IQCM: variants seen among roughly 807,000 people sequenced by gnomAD.
IQCM encodes the protein IQ domain-containing protein M.
Under a neutral mutation model 57.6 loss-of-function variants are expected in IQCM, and 45 were observed. That is an observed-to-expected ratio of 0.78 (90% CI 0.62 to 1.00). IQCM has a LOEUF of 1.00. IQCM is among the 50% of genes least tolerant of loss of function. The probability of loss-of-function intolerance (pLI) is 0.00; values close to 1 mark genes in which losing one functional copy is unlikely to be tolerated. For missense variants in IQCM, 468 were observed against 511.6 expected, an observed-to-expected ratio of 0.91 and a Z score of 0.82; for synonymous variants, 148 against 158.9, an observed-to-expected ratio of 0.93 and a Z score of 0.51.
intron 12 of IQCM, among the ~76,000 whole-genome samples, chr4:149,439,466 G>T (rs1305636058): frequency 1.3e-5 from 2 of 151,950 alleles, no homozygotes; most frequent in African/African-American, 2.4e-5. Flanking sequence ...TTTTATAGCT[G>T]CCCAAAACAC....
chr4:149,441,161 T>C (rs560110755), intron 12 of IQCM, among the ~76,000 whole-genome samples: 2 of 152,226 alleles, frequency 1.3e-5, no homozygotes, highest in African/African-American at 4.8e-5. Flanking sequence ...AGCATGAAAA[T>C]TCCTACAACT....
chr4:149,510,866 G>C (rs913219627), intron 12 of IQCM, among the ~76,000 whole-genome samples: 2 of 152,126 alleles, frequency 1.3e-5, no homozygotes, highest in Admixed American at 1.3e-4. Context: ...ATCACTGATG[G>C]TAGTAACCTT....
At chr4:149,511,984 A>C (rs1252913478) in intron 12 of IQCM, among the ~76,000 whole-genome samples, 2 of 152,154 alleles carry the variant, frequency 1.3e-5, no homozygotes, top group African/African-American at 4.8e-5. Flanking sequence ...ATACATCCTA[A>C]GTCCTAGGTG....
chr4:149,504,361 C>T (rs1303396993), intron 12 of IQCM, among the ~76,000 whole-genome samples: 1 of 152,110 alleles, frequency 6.6e-6, no homozygotes. Context: ...CATTTATTCA[C>T]TTAATAAATA....
rs1476510506 is a variant in IQCM, at chr4:149,361,557, G to C, written c.1391-9491C>G. On this transcript the variant is annotated intron_variant, in intron 13 of 13. Coordinates refer to ENST00000636793, the MANE Select transcript of IQCM (RefSeq NM_001363507.2). Reference sequence around the variant, plus strand: ...AGCCATTCCAGCTGTGGCTGAAAGGGGCCAACGTACAGCTCAGGCTGTGGC... The same window carrying C: ...AGCCATTCCAGCTGTGGCTGAAAGGCGCCAACGTACAGCTCAGGCTGTGGC... Among the ~76,000 whole-genome samples the C allele has an allele frequency of 2.0e-5, 3 of 152,164 alleles. No individual in the cohort carries two copies. The East Asian group carries it at 5.8e-4, about 29-fold the overall frequency.
intron 7 of IQCM, among the ~76,000 whole-genome samples, chr4:149,661,326 G>C (rs1044247900): frequency 2.6e-5 from 4 of 152,180 alleles, no homozygotes; most frequent in Admixed American, 2.6e-4. Flanking sequence ...CCTACTGAAT[G>C]ATCTTTTTAA....
chr4:149,582,307 CATATATATAT>C (rs70965193), intron 9 of IQCM, among the ~76,000 whole-genome samples: 123 of 88,016 alleles, frequency 1.4e-3, no homozygotes, highest in Non-Finnish European at 1.6e-3. Flanking sequence ...ATGCTGTAGA[CATATATATAT>C]ATATATATAT....
At chr4:149,605,051 C>T (rs1002001524) in intron 8 of IQCM, among the ~76,000 whole-genome samples, 2 of 152,194 alleles carry the variant, frequency 1.3e-5, no homozygotes, top group African/African-American at 2.4e-5. Flanking sequence ...CACAACTGTA[C>T]AACTAAAACT....
intron 13 of IQCM, among the ~76,000 whole-genome samples, chr4:149,409,335 G>A (rs1733208137): frequency 1.3e-5 from 2 of 152,316 alleles, no homozygotes; most frequent in South Asian, 4.1e-4. Context: ...TCTAGCCCAG[G>A]AATTCATGGC....
At chr4:149,474,495 G>T (rs1739954620) in intron 12 of IQCM, among the ~76,000 whole-genome samples, 1 of 151,330 alleles carries the variant, frequency 6.6e-6, no homozygotes, top group South Asian at 2.1e-4. Flanking sequence ...ATCACTTGAG[G>T]TCAGGAGTTC....
intron 12 of IQCM, among the ~76,000 whole-genome samples, chr4:149,506,835 G>A (rs1284830594): frequency 6.6e-6 from 1 of 152,092 alleles, no homozygotes; most frequent in African/African-American, 2.4e-5. Flanking sequence ...CTCTGACACT[G>A]CAGTGTCAGA....
Position 149,621,260 on chromosome 4 carries a change from A to C in IQCM, c.566-16T>G, listed in dbSNP as rs192015132. The stretch of plus-strand genomic sequence containing the variant: ...AATGCTTTGTCTGTTAGAAATATCA[A>C]TGCAGGTTAAAACAATATCTATCCA... On this transcript the variant is annotated splice_polypyrimidine_tract_variant and intron_variant, in intron 7 of 13. Transcript: ENST00000636793. 232 of 1,150,472 alleles carry C rather than the reference A, an allele frequency of 2.0e-4. 1 individual carries two copies. In the African/African-American group the frequency reaches 3.4e-3, roughly 17 times the overall value. 71.3% of individuals were successfully genotyped at this position (1,150,472 alleles called of 1,614,324 possible).
At chr4:149,460,344 T>C (rs1321806226) in intron 12 of IQCM, among the ~76,000 whole-genome samples, 1 of 152,212 alleles carries the variant, frequency 6.6e-6, no homozygotes, top group Non-Finnish European at 1.5e-5. Context: ...TTTGCAAATA[T>C]GTTCTCCCAT....
chr4:149,684,987 T>A (rs1762448482), intron 6 of IQCM, among the ~76,000 whole-genome samples: 2 of 151,382 alleles, frequency 1.3e-5, no homozygotes, highest in Non-Finnish European at 1.5e-5. Context: ...GCAGGATATG[T>A]TTTCATTAAA....
chr4:149,709,974 CCTCTTA>C (rs1436326308), intron 5 of IQCM, among the ~76,000 whole-genome samples: 3 of 152,086 alleles, frequency 2.0e-5, no homozygotes, highest in Non-Finnish European at 4.4e-5. Flanking sequence ...GGGAGTGCAA[CCTCTTA>C]TAACAGTGAA....
chr4:149,365,972 AGGT>A (rs1729801670), intron 13 of IQCM, among the ~76,000 whole-genome samples: 1 of 152,150 alleles, frequency 6.6e-6, no homozygotes, highest in African/African-American at 2.4e-5. Context: ...GTTAATTATA[AGGT>A]ACAAATGTTA....
At chr4:149,376,411 G>A (rs532116377) in intron 13 of IQCM, among the ~76,000 whole-genome samples, 1 of 152,206 alleles carries the variant, frequency 6.6e-6, no homozygotes, top group African/African-American at 2.4e-5. Context: ...GGACTCTAAA[G>A]CGATAAACTG....
intron 2 of IQCM, among the ~76,000 whole-genome samples, chr4:149,766,545 C>T (rs1770075875): frequency 1.3e-5 from 2 of 152,094 alleles, no homozygotes. Context: ...TCTAACTCTC[C>T]AGTCCTTCCT....
At chr4:149,606,641 G>A (rs1754807633) in intron 8 of IQCM, among the ~76,000 whole-genome samples, 1 of 152,070 alleles carries the variant, frequency 6.6e-6, no homozygotes, top group Non-Finnish European at 1.5e-5. Flanking sequence ...GCTGTCTTGA[G>A]GAAGCTCAAT....
Sources: gnomAD v4.1 joint callset for allele counts (sites outside exome capture counted in the v4.1 genomes callset) on GRCh38, gnomAD v4.1.1 for gene constraint, MANE v1.5 for transcripts, NCBI Gene and HGNC (gene_info 2026-07-23, HGNC 2026-07-21) for gene names.